SH3KBP1: variants seen among roughly 807,000 people sequenced by gnomAD.
SH3KBP1 encodes SH3 domain-containing kinase-binding protein 1.
A neutral mutation model predicts 50.1 loss-of-function variants in SH3KBP1; 8 were observed. The ratio of observed to expected loss-of-function variants is 0.16; its 90% CI spans 0.09 to 0.29. The LOEUF (loss-of-function observed/expected upper bound fraction) is 0.29, where lower values mean the gene tolerates loss of function less well. SH3KBP1 is among the 10% of genes least tolerant of loss of function. SH3KBP1 has a pLI of 1.00. For missense variants in SH3KBP1, 377 were observed against 535.2 expected, an observed-to-expected ratio of 0.70 and a Z score of 2.92; for synonymous variants, 227 against 218.6, an observed-to-expected ratio of 1.04 and a Z score of -0.34.
intron 2 of SH3KBP1, among the ~76,000 whole-genome samples, chrX:19,792,831 A>T (rs1461479920): frequency 9.2e-6 from 1 of 109,124 alleles, no homozygotes; most frequent in Non-Finnish European, 1.9e-5. Context: ...ATTGGCATCT[A>T]GCGAGTAGAC....
At chrX:19,566,048 G>T (rs1258673471) in intron 13 of SH3KBP1, among the ~76,000 whole-genome samples, 1 of 109,588 alleles carries the variant, frequency 9.1e-6, no homozygotes, top group Non-Finnish European at 1.9e-5. Flanking sequence ...GGCTGAGGTG[G>T]GAGGATTGCA....
chrX:19,769,069 G>A lies in SH3KBP1; in HGVS notation c.163-22628C>T, dbSNP rs773514283. Among the ~76,000 whole-genome samples the A allele has an allele frequency of 1.1e-4, 11 of 99,507 alleles. No individual in the cohort carries two copies. The South Asian group carries it at 3.5e-3, about 32-fold the overall frequency. The allele number at this position is 99,507 out of a possible 115,157, so 86.4% of individuals were successfully genotyped here. On this transcript the variant is annotated intron_variant, in intron 2 of 17. Coordinates refer to ENST00000397821, the MANE Select transcript of SH3KBP1 (RefSeq NM_031892.3). The stretch of plus-strand genomic sequence containing the variant: ...TTGAGCAATATTATTATACAGCTGC[G>A]TTATAATTTTTTTTTTTTTTTTTTT...
intron 12 of SH3KBP1, among the ~76,000 whole-genome samples, chrX:19,585,916 C>A: frequency 8.9e-6 from 1 of 111,942 alleles, no homozygotes; most frequent in Non-Finnish European, 1.9e-5. Context: ...TTTCCTCCCC[C>A]ACACCCTCCT....
intron 10 of SH3KBP1, 103 bp from the exon 11 acceptor site, chrX:19,592,250 T>G: frequency 1.5e-6 from 1 of 684,454 alleles, no homozygotes; most frequent in Non-Finnish European, 2.2e-6. Context: ...GTCAGTAAGA[T>G]TTTTTCCCCT....
At chrX:19,566,584 G>A (rs985396932) in intron 13 of SH3KBP1, among the ~76,000 whole-genome samples, 6 of 111,195 alleles carry the variant, frequency 5.4e-5, no homozygotes, top group Non-Finnish European at 9.4e-5. Flanking sequence ...GCCCAAATAC[G>A]AAACTGCGGT....
chrX:19,793,305 G>GAAAAAAA (rs1276369664), intron 2 of SH3KBP1, among the ~76,000 whole-genome samples: 13 of 94,534 alleles, frequency 1.4e-4, no homozygotes, highest in Middle Eastern at 5.0e-3. Flanking sequence ...TTGTCTCAAG[G>GAAAAAAA]AAAAAAAAAT....
At chrX:19,582,060 C>A (rs1306720196) in intron 12 of SH3KBP1, among the ~76,000 whole-genome samples, 1 of 111,277 alleles carries the variant, frequency 9.0e-6, no homozygotes, top group Non-Finnish European at 1.9e-5. Context: ...CATCCAACTG[C>A]CTATCTTCGA....
intron 5 of SH3KBP1, among the ~76,000 whole-genome samples, chrX:19,690,526 T>C (rs1481095776): frequency 8.9e-6 from 1 of 112,378 alleles, no homozygotes. Flanking sequence ...TTGTGAGAAA[T>C]AACTGAAAAT....
At chrX:19,819,529 T>A (rs750569758) in intron 2 of SH3KBP1, among the ~76,000 whole-genome samples, 1 of 110,384 alleles carries the variant, frequency 9.1e-6, no homozygotes, top group African/African-American at 3.3e-5. Flanking sequence ...TATTTTTTGA[T>A]TGGCGAGATA....
chrX:19,874,026 G>T (rs2069151701), intron 1 of SH3KBP1, among the ~76,000 whole-genome samples: 2 of 82,959 alleles, frequency 2.4e-5, no homozygotes, highest in African/African-American at 1.1e-4. Flanking sequence ...TCCAGCCGGG[G>T]CAACAGAGTG....
chrX:19,860,588 A>G (rs1054057507), intron 1 of SH3KBP1, among the ~76,000 whole-genome samples: 7 of 112,088 alleles, frequency 6.2e-5, no homozygotes, highest in African/African-American at 2.3e-4. Context: ...TGAATTGTAC[A>G]CTTAAAACGG....
chrX:19,816,322 G>A (rs1357544730), intron 2 of SH3KBP1, among the ~76,000 whole-genome samples: 2 of 111,908 alleles, frequency 1.8e-5, no homozygotes, highest in African/African-American at 3.3e-5. Context: ...TTCAGTGAAT[G>A]TCTGTTCGTG....
chrX:19,749,541 CT>C (rs1273263096), intron 2 of SH3KBP1, among the ~76,000 whole-genome samples: 1 of 112,750 alleles, frequency 8.9e-6, no homozygotes, highest in East Asian at 2.8e-4. Context: ...AAACATTATG[CT>C]AAGTGAAATA....
intron 2 of SH3KBP1, among the ~76,000 whole-genome samples, chrX:19,777,085 C>T (rs954330703): frequency 9.0e-6 from 1 of 111,645 alleles, no homozygotes; most frequent in Non-Finnish European, 1.9e-5. Flanking sequence ...TCTCCAGCTG[C>T]CATCAGTTGT....
chrX:19,600,263 G>A (rs768910298), intron 9 of SH3KBP1, among the ~76,000 whole-genome samples: 2 of 107,404 alleles, frequency 1.9e-5, no homozygotes, highest in Non-Finnish European at 3.9e-5. Context: ...GCATGCCTGT[G>A]GTCCCATCTA....
At chrX:19,641,871 A>G (rs1405581618) in intron 7 of SH3KBP1, among the ~76,000 whole-genome samples, 5 of 111,666 alleles carry the variant, frequency 4.5e-5, no homozygotes, top group Admixed American at 9.5e-5. Flanking sequence ...ATAAGGTCTC[A>G]CTCTGTCACC....
intron 3 of SH3KBP1, among the ~76,000 whole-genome samples, chrX:19,745,092 G>A (rs900847179): frequency 1.1e-4 from 12 of 112,399 alleles, no homozygotes; most frequent in Non-Finnish European, 1.5e-4. Flanking sequence ...CAAATCCAAT[G>A]AATGCAGGTC....
intron 2 of SH3KBP1, among the ~76,000 whole-genome samples, chrX:19,766,483 CTTTTTTTTTTTTTTTTT>C (rs61439964): frequency 1.5e-3 from 33 of 22,585 alleles, no homozygotes; most frequent in Non-Finnish European, 2.0e-3. Flanking sequence ...TTGATTGCAT[CTTTTTTTTTTTTTTTTT>C]TTTTTTTTTT....
At chrX:19,845,268 G>C (rs2068336923) in intron 1 of SH3KBP1, among the ~76,000 whole-genome samples, 1 of 110,115 alleles carries the variant, frequency 9.1e-6, no homozygotes, top group Non-Finnish European at 1.9e-5. Flanking sequence ...CACGAGGTCA[G>C]GAGATTGAGA....
Sources: allele counts gnomAD v4.1 joint callset (sites outside exome capture counted in the v4.1 genomes callset), GRCh38; gene constraint gnomAD v4.1.1; transcripts MANE v1.5; gene names NCBI Gene and HGNC (gene_info 2026-07-23, HGNC 2026-07-21).